The following LAMA1 variants were observed in gnomAD, a reference collection of about 807,000 sequenced individuals.
LAMA1 encodes the protein laminin subunit alpha 1.
Under a neutral mutation model 348.7 loss-of-function variants are expected in LAMA1, and 219 were observed. That is an observed-to-expected ratio of 0.63 (90% CI 0.56 to 0.70). The LOEUF is 0.70. LAMA1 is among the 30% of genes least tolerant of loss of function. The pLI is 0.00. For missense variants in LAMA1, 3,744 were observed against 3,888.0 expected, an observed-to-expected ratio of 0.96 and a Z score of 0.99; for synonymous variants, 1,487 against 1,491.0, an observed-to-expected ratio of 1.00 and a Z score of 0.06.
intron 7 of LAMA1, 43 bp from the exon 8 acceptor site, chr18:7,043,448 G>T: frequency 6.5e-7 from 1 of 1,538,060 alleles, no homozygotes; most frequent in Non-Finnish European, 8.9e-7. Context: ...TACATAGCAT[G>T]CCTTATACAA....
At chr18:7,026,966 A>T (rs1009390751) in intron 16 of LAMA1, among the ~76,000 whole-genome samples, 3 of 151,574 alleles carry the variant, frequency 2.0e-5, no homozygotes, top group African/African-American at 7.3e-5. Flanking sequence ...TGCCTGGGTG[A>T]CAGCGAGACT....
chr18:6,973,272 G>T, intron 46 of LAMA1, 65 bp from the exon 47 acceptor site: 1 of 1,475,112 alleles, frequency 6.8e-7, no homozygotes, highest in Non-Finnish European at 9.4e-7. Flanking sequence ...ATACAATCCC[G>T]TTTCCTTCAC....
intron 3 of LAMA1, among the ~76,000 whole-genome samples, chr18:7,054,914 CATAA>C (rs2058075486): frequency 6.6e-6 from 1 of 152,130 alleles, no homozygotes; most frequent in Non-Finnish European, 1.5e-5. Context: ...ACATACAACA[CATAA>C]ATACATATAT....
intron 23 of LAMA1, among the ~76,000 whole-genome samples, chr18:7,012,415 G>A (rs1303718372): frequency 3.3e-5 from 5 of 151,460 alleles, no homozygotes; most frequent in African/African-American, 4.8e-5. Flanking sequence ...TCTGGAAGCC[G>A]CCTCGAGTCT....
rs568237884 is a variant in LAMA1 at position 7,033,079 on chromosome 18, G to A, written c.2068C>T (p.Leu690=). Residue 690 remains leucine (L), a synonymous_variant, in exon 15 of 63, where the codon CTG becomes TTG. Transcript: ENST00000389658. ...MALYRLESVS[L]DIASSNAIDL... ...ATGGCATTAGAGCTGGCTATGTCCA[G>A]AGAGACGGACTCCAACCTACAAATA... is the stretch of plus-strand genomic sequence containing the variant. 1.2e-6 allele frequency: 2 copies of A among 1,610,852 alleles called. No homozygotes were observed. Among genetic ancestry groups the A allele is most frequent in the South Asian group, 2.2e-5 (2 of 90,306 alleles).
intron 16 of LAMA1, 25 bp downstream of exon 16, chr18:7,032,041 A>C (rs1425857964): frequency 6.3e-7 from 1 of 1,585,324 alleles, no homozygotes; most frequent in Admixed American, 1.7e-5. Context: ...AGGAGAGGGC[A>C]CCTGAACTAC....
At chr18:6,950,000 C>A (rs536624030) in intron 58 of LAMA1, among the ~76,000 whole-genome samples, 70 of 152,288 alleles carry the variant, frequency 4.6e-4, no homozygotes, top group African/African-American at 1.5e-3. Flanking sequence ...AAGTGTTATA[C>A]CTTCTCCAAT....
intron 16 of LAMA1, among the ~76,000 whole-genome samples, chr18:7,030,512 T>A (rs1378316931): frequency 6.6e-6 from 1 of 152,126 alleles, no homozygotes; most frequent in Non-Finnish European, 1.5e-5. Context: ...ATCGTGCTAC[T>A]TCTTCATTCT....
At chr18:6,999,673 T>C (rs1392808453) in intron 31 of LAMA1, 35 bp from the exon 32 acceptor site, 9 of 1,540,716 alleles carry the variant, frequency 5.8e-6, no homozygotes, top group Non-Finnish European at 8.0e-6. Context: ...GCAGACAGGA[T>C]GGTCAATACC....
At chr18:7,057,270 G>C (rs909822833) in intron 3 of LAMA1, among the ~76,000 whole-genome samples, 1 of 152,030 alleles carries the variant, frequency 6.6e-6, no homozygotes, top group Non-Finnish European at 1.5e-5. Context: ...AATCTTCCCA[G>C]GATCTCACAG....
At chr18:7,086,046 C>T (rs2058215914) in intron 1 of LAMA1, among the ~76,000 whole-genome samples, 2 of 152,256 alleles carry the variant, frequency 1.3e-5, no homozygotes, top group South Asian at 2.1e-4. Flanking sequence ...CTATGATTTA[C>T]ACATATGCGT....
At chr18:6,962,900 C>G (rs933852643) in intron 51 of LAMA1, among the ~76,000 whole-genome samples, 2 of 152,156 alleles carry the variant, frequency 1.3e-5, no homozygotes, top group Non-Finnish European at 2.9e-5. Flanking sequence ...ATTTTTCTTA[C>G]CAGAAGTCTC....
chr18:6,978,412 G>A (rs2057693086), intron 42 of LAMA1, 34 bp from the exon 43 acceptor site: 1 of 1,558,352 alleles, frequency 6.4e-7, no homozygotes, highest in Non-Finnish European at 8.8e-7. Flanking sequence ...ATGCACTTCT[G>A]GTGCTTACAC....
chr18:6,977,578 A>G, intron 44 of LAMA1, 149 bp downstream of exon 44: 2 of 787,454 alleles, frequency 2.5e-6, no homozygotes, highest in Non-Finnish European at 4.0e-6. Flanking sequence ...ATACCAAGAC[A>G]GGGCTATGAG....
At position 7,115,211 on chromosome 18, in the gene LAMA1, A is replaced by C. The variant is rs559287005; in HGVS notation, c.61+2449T>G. Among the ~76,000 whole-genome samples the C allele has an allele frequency of 8.5e-5, 13 of 152,336 alleles. No homozygotes were observed. The South Asian group carries it at 2.5e-3, about 29-fold the overall frequency. On this transcript the variant is annotated intron_variant, in intron 1 of 62. Transcript: ENST00000389658. ...TTTACTGTGGAGCACATACTTGCTAAATTTGAATACTATGTCATATATGAG... is the reference window on the plus strand; with the variant it reads ...TTTACTGTGGAGCACATACTTGCTACATTTGAATACTATGTCATATATGAG...
chr18:7,018,609 A>G (rs1206829677), intron 19 of LAMA1, among the ~76,000 whole-genome samples: 3 of 151,902 alleles, frequency 2.0e-5, no homozygotes, highest in South Asian at 4.2e-4. Flanking sequence ...GTTAGCCAGG[A>G]TGGTCTCGAT....
At chr18:7,043,952 G>C (rs1455126493) in intron 7 of LAMA1, among the ~76,000 whole-genome samples, 2 of 152,006 alleles carry the variant, frequency 1.3e-5, no homozygotes, top group Non-Finnish European at 2.9e-5. Context: ...TCAAGAGATG[G>C]AGACCATCCT....
intron 1 of LAMA1, among the ~76,000 whole-genome samples, chr18:7,110,243 G>C (rs938055110): frequency 6.6e-6 from 1 of 151,698 alleles, no homozygotes; most frequent in Non-Finnish European, 1.5e-5. Flanking sequence ...TTAGAGGCTG[G>C]TGGCATTTGC....
chr18:7,092,507 C>T lies in LAMA1; in HGVS notation c.62-12050G>A, dbSNP rs1340009139. ...CGGGCGTGGTGGCACGCACTGTAGT[C>T]GCCGCTACTCGGGAGGCTGAGGCAG... On this transcript the variant is annotated intron_variant, in intron 1 of 62. Transcript: ENST00000389658. Among the ~76,000 whole-genome samples, 7 of 151,832 alleles carry T rather than the reference C, an allele frequency of 4.6e-5. No homozygotes were observed. The East Asian group carries it at 5.8e-4, about 13-fold the overall frequency.
Sources: gnomAD v4.1 joint callset for allele counts (sites outside exome capture counted in the v4.1 genomes callset) on GRCh38, gnomAD v4.1.1 for gene constraint, MANE v1.5 for transcripts, NCBI Gene and HGNC (gene_info 2026-07-23, HGNC 2026-07-21) for gene names.